Variants in APTX observed in about 807,000 individuals in gnomAD.
APTX encodes the protein forkhead-associated domain histidine triad-like protein.
APTX carries 33 observed loss-of-function variants against 42.3 expected under a neutral mutation model. That is an observed-to-expected ratio of 0.78 (90% CI 0.59 to 1.04). The LOEUF is 1.04. Among genes scored for constraint, APTX ranks in the 50% least tolerant of loss-of-function variants. The pLI is 0.00. For missense variants in APTX, 421 were observed against 415.1 expected, an observed-to-expected ratio of 1.01 and a Z score of -0.12; for synonymous variants, 130 against 146.7, an observed-to-expected ratio of 0.89 and a Z score of 0.82.
intron 1 of APTX, among the ~76,000 whole-genome samples, chr9:33,010,334 G>A (rs759867299): frequency 1.3e-5 from 2 of 152,166 alleles, no homozygotes; most frequent in Non-Finnish European, 2.9e-5. Context: ...CTCTCCATTG[G>A]CTGGCGCATT....
intron 6 of APTX, among the ~76,000 whole-genome samples, chr9:32,978,985 T>C (rs1830084659): frequency 6.6e-6 from 1 of 152,242 alleles, no homozygotes; most frequent in Non-Finnish European, 1.5e-5. Context: ...TATGTTTTGC[T>C]AACTACCAAG....
At chr9:33,012,960 T>C (rs1450769330) in intron 1 of APTX, among the ~76,000 whole-genome samples, 2 of 152,190 alleles carry the variant, frequency 1.3e-5, no homozygotes, top group Non-Finnish European at 2.9e-5. Context: ...TTAATGTCTG[T>C]GCCCCACTCA....
At chr9:33,000,944 T>C (rs1836269456) in intron 1 of APTX, among the ~76,000 whole-genome samples, 1 of 143,388 alleles carries the variant, frequency 7.0e-6, no homozygotes, top group Non-Finnish European at 1.5e-5. Flanking sequence ...GCCTCCCGGG[T>C]TCAAGAACGT....
intron 1 of APTX, among the ~76,000 whole-genome samples, chr9:33,000,660 A>C (rs1484482569): frequency 6.6e-6 from 1 of 150,662 alleles, no homozygotes; most frequent in Non-Finnish European, 1.5e-5. Flanking sequence ...AAAGAAAAGA[A>C]AAAGAAAAAA....
At chr9:32,977,158 T>C (rs1408463127) in intron 6 of APTX, among the ~76,000 whole-genome samples, 3 of 152,152 alleles carry the variant, frequency 2.0e-5, no homozygotes, top group Admixed American at 6.5e-5. Flanking sequence ...AAAAATAAAT[T>C]ACCAGAATTT....
At chr9:33,009,726 C>G (rs10971307) in intron 1 of APTX, among the ~76,000 whole-genome samples, 3 of 151,872 alleles carry the variant, frequency 2.0e-5, no homozygotes, top group Admixed American at 6.5e-5. Flanking sequence ...CTGCAGTAAA[C>G]CATGATTATG....
At chr9:33,005,833 C>A (rs1403337352), upstream of APTX, among the ~76,000 whole-genome samples, 1 of 152,150 alleles carries the variant, frequency 6.6e-6, no homozygotes, top group African/African-American at 2.4e-5. Flanking sequence ...GAAAAGACTG[C>A]CCTTTCCTCA....
chr9:33,024,032 C>T (rs1307357462), intron 1 of APTX, among the ~76,000 whole-genome samples: 1 of 152,220 alleles, frequency 6.6e-6, no homozygotes, highest in Admixed American at 6.5e-5. Context: ...TTGCCACTTT[C>T]CCAAAGAAAT....
In APTX at chr9:32,974,442, A is replaced by G. The variant is rs370051752; in HGVS notation, c.874+16T>C. On this transcript the variant is annotated intron_variant, in intron 7 of 7. Coordinates refer to ENST00000379817, the MANE Select transcript of APTX (RefSeq NM_001195248.2). ...AGAAAATGAAACAAATGTGAAAACC[A>G]AGGAACACTGTTTACCTTGTGATTC... 2.1e-6 allele frequency: 3 copies of G among 1,445,426 alleles called. No individual in the cohort carries two copies. Among genetic ancestry groups the G allele is most frequent in the Non-Finnish European group, 2.9e-6 (3 of 1,026,974 alleles). The allele number at this position is 1,445,426 out of a possible 1,614,324, so 89.5% of individuals were successfully genotyped here. A position where few individuals can be genotyped will look rare whatever the true frequency, so the allele number is the denominator to read the frequency against.
At chr9:32,995,857 C>T (rs1231231870) in intron 1 of APTX, among the ~76,000 whole-genome samples, 1 of 147,966 alleles carries the variant, frequency 6.8e-6, no homozygotes, top group African/African-American at 2.5e-5. Flanking sequence ...CACTGCACTC[C>T]AGCCTGGGCG....
At chr9:33,000,266 T>A (rs1477260350) in intron 1 of APTX, among the ~76,000 whole-genome samples, 1 of 152,182 alleles carries the variant, frequency 6.6e-6, no homozygotes, top group Non-Finnish European at 1.5e-5. Flanking sequence ...TCAACACTAT[T>A]ATCACTCTTG....
chr9:33,004,558 T>A (rs1419523471), upstream of APTX, among the ~76,000 whole-genome samples: 6 of 152,066 alleles, frequency 3.9e-5, no homozygotes, highest in Non-Finnish European at 8.8e-5. Context: ...CTGTTTTCCA[T>A]AGCAGCTGGA....
intron 1 of APTX, among the ~76,000 whole-genome samples, chr9:33,019,306 A>G (rs1029892553): frequency 2.0e-5 from 3 of 152,164 alleles, no homozygotes; most frequent in Admixed American, 6.5e-5. Context: ...CGTAGTCAGA[A>G]GAGAAGAACC....
chr9:32,989,134 G>T (rs1832925302), intron 2 of APTX, among the ~76,000 whole-genome samples: 1 of 152,158 alleles, frequency 6.6e-6, no homozygotes, highest in Non-Finnish European at 1.5e-5. Flanking sequence ...GCATGGCTTT[G>T]TATCCCTCCA....
chr9:32,977,498 G>A (rs930680033), intron 6 of APTX, among the ~76,000 whole-genome samples: 5 of 150,618 alleles, frequency 3.3e-5, no homozygotes, highest in African/African-American at 9.8e-5. Flanking sequence ...AAACAAAAAC[G>A]AAAACAAAAA....
At chr9:32,985,884 T>C (rs2118731981) in intron 5 of APTX, 87 bp downstream of exon 5, 1 of 1,196,212 alleles carries the variant, frequency 8.4e-7, no homozygotes, top group African/African-American at 1.5e-5. Context: ...AAGACTGATA[T>C]CCTTTGATTT....
chr9:33,001,909 GTGGCTGTGCAGCT>G (rs1836639114), upstream of APTX, among the ~76,000 whole-genome samples: 1 of 152,186 alleles, frequency 6.6e-6, no homozygotes, highest in Non-Finnish European at 1.5e-5. Flanking sequence ...ACGTTTCTAG[GTGGCTGTGCAGCT>G]TCTCGATACT....
intron 1 of APTX, 21 bp downstream of exon 1, chr9:33,001,546 A>C (rs1019995319): frequency 9.9e-6 from 16 of 1,613,574 alleles, no homozygotes; most frequent in Non-Finnish European, 1.4e-5. Flanking sequence ...AGCAGAAGAG[A>C]TAGGCTGACG....
chr9:33,004,629 C>CGTTTTTT (rs1563998723), upstream of APTX, among the ~76,000 whole-genome samples: 1 of 140,934 alleles, frequency 7.1e-6, no homozygotes, highest in African/African-American at 2.6e-5. Context: ...TCTTGCCAAC[C>CGTTTTTT]CTTTTTTTTT....
Sources: allele counts gnomAD v4.1 joint callset (sites outside exome capture counted in the v4.1 genomes callset), GRCh38; gene constraint gnomAD v4.1.1; transcripts MANE v1.5; gene names NCBI Gene and HGNC (gene_info 2026-07-23, HGNC 2026-07-21).